Variants in FBXL7 observed in about 807,000 individuals in gnomAD.
FBXL7 encodes the protein F-box/LRR-repeat protein 7.
Under a neutral mutation model 38.3 loss-of-function variants are expected in FBXL7, and 12 were observed. The observed-to-expected ratio is 0.31, with a 90% CI of 0.20 to 0.51. FBXL7 has a LOEUF of 0.51. Among genes scored for constraint, FBXL7 ranks in the 20% least tolerant of loss-of-function variants. The pLI is 0.98. For synonymous variants in FBXL7, 297 were observed against 300.9 expected (o/e 0.99, Z 0.13); for missense variants, 567 against 676.4 (o/e 0.84, Z 1.79).
intron 1 of FBXL7, among the ~76,000 whole-genome samples, chr5:15,570,086 A>G (rs1475650196): frequency 6.6e-6 from 1 of 152,216 alleles, no homozygotes; most frequent in Non-Finnish European, 1.5e-5. Flanking sequence ...CTTTGGTATC[A>G]GGATGGTGCT....
intron 1 of FBXL7, among the ~76,000 whole-genome samples, chr5:15,591,428 CA>C (rs199519096): frequency 0.085 from 8,435 of 98,904 alleles, 265 homozygotes; most frequent in East Asian, 0.14. Context: ...GACTCTGTCT[CA>C]AAAAAAAAAA....
intron 2 of FBXL7, among the ~76,000 whole-genome samples, chr5:15,787,397 C>T (rs1737159852): frequency 6.6e-6 from 1 of 152,032 alleles, no homozygotes; most frequent in Non-Finnish European, 1.5e-5. Context: ...TTGATCAGGG[C>T]TTTAAAGAAG....
chr5:15,828,043 C>G (rs1175448949), intron 2 of FBXL7, among the ~76,000 whole-genome samples: 1 of 152,186 alleles, frequency 6.6e-6, no homozygotes, highest in East Asian at 1.9e-4. Flanking sequence ...GGCAACCATC[C>G]AGGCTTTAGG....
At chr5:15,661,368 C>G (rs75171416) in intron 2 of FBXL7, among the ~76,000 whole-genome samples, 65 of 147,756 alleles carry the variant, frequency 4.4e-4, no homozygotes, top group Admixed American at 1.3e-3. Flanking sequence ...TTTAGTTCTT[C>G]CGTTCTAAGT....
chr5:15,682,278 GCCTC>G (rs1742866385), intron 2 of FBXL7, among the ~76,000 whole-genome samples: 1 of 152,154 alleles, frequency 6.6e-6, no homozygotes, highest in Non-Finnish European at 1.5e-5. Flanking sequence ...GGTGTGAATG[GCCTC>G]CCTCACCTCT....
intron 2 of FBXL7, among the ~76,000 whole-genome samples, chr5:15,927,235 G>A (rs6874587): frequency 0.44 from 66,678 of 151,906 alleles, 16,467 homozygotes; most frequent in African/African-American, 0.66. Flanking sequence ...TTGCACAACA[G>A]TGGCAGGGCT....
Position 15,720,778 on chromosome 5 carries a change from TATG to T in FBXL7, c.127+104712_127+104714del, listed in dbSNP as rs1448874575. Among the ~76,000 whole-genome samples, 13 of 119,516 alleles carry T rather than the reference TATG, an allele frequency of 1.1e-4. 2 individuals are homozygous for T. Among genetic ancestry groups the T allele is most frequent in the Admixed American group, 3.5e-4 (4 of 11,298 alleles). The allele number at this position is 119,516 out of a possible 152,430, so 78.4% of individuals were successfully genotyped here. A position where few individuals can be genotyped will look rare whatever the true frequency, so the allele number is the denominator to read the frequency against. ...AACTGGTTTACTGAAAAGAGTATAA[TATG>T]ATGATAAATATTATCATTATTAGAG... On this transcript the variant is annotated intron_variant, in intron 2 of 3. Coordinates refer to ENST00000504595, the MANE Select transcript of FBXL7 (RefSeq NM_012304.5).
chr5:15,724,865 A>T (rs1561100970), intron 2 of FBXL7, among the ~76,000 whole-genome samples: 1 of 152,094 alleles, frequency 6.6e-6, no homozygotes, highest in Non-Finnish European at 1.5e-5. Context: ...AATGATAACT[A>T]TTTTCAGCTT....
chr5:15,783,945 G>A (rs1251890265), intron 2 of FBXL7, among the ~76,000 whole-genome samples: 3 of 152,180 alleles, frequency 2.0e-5, no homozygotes, highest in Admixed American at 6.5e-5. Flanking sequence ...AAACATGGAT[G>A]TGGGGCATGA....
rs73752354 is a variant in FBXL7 at position 15,887,838 on chromosome 5, A to G, written c.128-40052A>G. On this transcript the variant is annotated intron_variant, in intron 2 of 3. Transcript: ENST00000504595. ...TTTTAAATACATATGTGTTGTTTCC[A>G]GTAGAGTGGGGAGGAAAAGCCAGTG... is the stretch of plus-strand genomic sequence containing the variant. Among the ~76,000 whole-genome samples the G allele has an allele frequency of 7.0e-3, 1,070 of 152,326 alleles. 20 individuals are homozygous for G. Among genetic ancestry groups the G allele is most frequent in the African/African-American group, 0.025 (1,019 of 41,568 alleles).
chr5:15,858,218 A>G (rs758901150), intron 2 of FBXL7, among the ~76,000 whole-genome samples: 5 of 149,360 alleles, frequency 3.3e-5, no homozygotes, highest in Non-Finnish European at 5.9e-5. Context: ...TTTACATAAT[A>G]TATATAACAT....
chr5:15,714,185 G>C (rs746923563), intron 2 of FBXL7, among the ~76,000 whole-genome samples: 1 of 152,204 alleles, frequency 6.6e-6, no homozygotes, highest in Non-Finnish European at 1.5e-5. Context: ...GGTGGGAGTT[G>C]AGTGGATCAT....
At chr5:15,766,743 G>GGAAATA (rs1736601667) in intron 2 of FBXL7, among the ~76,000 whole-genome samples, 2 of 152,190 alleles carry the variant, frequency 1.3e-5, no homozygotes, top group Admixed American at 1.3e-4. Context: ...TTTTGTCTCA[G>GGAAATA]ATTTGATTTT....
At position 15,551,192 on chromosome 5, in the gene FBXL7, C is replaced by A. The variant is rs543671915; in HGVS notation, c.37+50479C>A. ...TTAGAGAAATCACTGCCTGTGTAGGCCCCTGTTGGTTTGTGCCCATGGGTT... is the reference window on the plus strand; with the variant it reads ...TTAGAGAAATCACTGCCTGTGTAGGACCCTGTTGGTTTGTGCCCATGGGTT... On this transcript the variant is annotated intron_variant, in intron 1 of 3. Coordinates refer to ENST00000504595, the MANE Select transcript of FBXL7 (RefSeq NM_012304.5). Among the ~76,000 whole-genome samples, 29 of 152,190 alleles carry A rather than the reference C, an allele frequency of 1.9e-4. No individual in the cohort carries two copies. The South Asian group carries it at 6.0e-3, about 32-fold the overall frequency.
intron 1 of FBXL7, among the ~76,000 whole-genome samples, 200 bp from the exon 2 acceptor site, chr5:15,615,783 G>C (rs1383629332): frequency 6.6e-6 from 1 of 152,074 alleles, no homozygotes; most frequent in South Asian, 2.1e-4. Context: ...GAAGACTTTA[G>C]TTCTCCTATA....
intron 2 of FBXL7, among the ~76,000 whole-genome samples, chr5:15,868,102 CAAAAAAAA>C (rs35879964): frequency 1.7e-5 from 1 of 59,948 alleles, no homozygotes; most frequent in Non-Finnish European, 3.7e-5. Flanking sequence ...GACTCCGTCT[CAAAAAAAA>C]AAAAAAAAAA....
intron 2 of FBXL7, among the ~76,000 whole-genome samples, chr5:15,766,614 C>T (rs1372378572): frequency 1.3e-5 from 2 of 152,104 alleles, no homozygotes; most frequent in Admixed American, 6.5e-5. Context: ...ATGATTGTTT[C>T]GAAATAAAAC....
At chr5:15,918,578 C>CTTA (rs1275243657) in intron 2 of FBXL7, among the ~76,000 whole-genome samples, 1 of 152,204 alleles carries the variant, frequency 6.6e-6, no homozygotes, top group African/African-American at 2.4e-5. Context: ...AAAACCCACG[C>CTTA]TTAGTTCGGA....
chr5:15,610,721 T>G (rs1218834466), intron 1 of FBXL7, among the ~76,000 whole-genome samples: 1 of 152,186 alleles, frequency 6.6e-6, no homozygotes, highest in South Asian at 2.1e-4. Context: ...ATTTCCTAGG[T>G]GTTCACGATA....
Sources: gnomAD v4.1 joint callset for allele counts (sites outside exome capture counted in the v4.1 genomes callset) on GRCh38, gnomAD v4.1.1 for gene constraint, MANE v1.5 for transcripts, NCBI Gene and HGNC (gene_info 2026-07-23, HGNC 2026-07-21) for gene names.